Variants in RIMKLB observed in about 807,000 individuals in gnomAD.
RIMKLB encodes the protein ribosomal modification protein rimK like family member B.
In RIMKLB, 7 loss-of-function variants were observed where a neutral mutation model predicts 32.0. The ratio of observed to expected loss-of-function variants is 0.22; its 90% CI spans 0.12 to 0.41. The LOEUF (loss-of-function observed/expected upper bound fraction) is 0.41, where lower values mean the gene tolerates loss of function less well. RIMKLB is among the 10% of genes least tolerant of loss of function. The probability of loss-of-function intolerance (pLI) is 1.00; values close to 1 mark genes in which losing one functional copy is unlikely to be tolerated. For synonymous variants in RIMKLB, 172 were observed against 185.1 expected, an observed-to-expected ratio of 0.93 and a Z score of 0.57; for missense variants, 289 against 498.7, an observed-to-expected ratio of 0.58 and a Z score of 4.00.
chr12:8,704,824 A>G (rs372228302), intron 1 of RIMKLB, among the ~76,000 whole-genome samples: 16 of 149,268 alleles, frequency 1.1e-4, no homozygotes, highest in African/African-American at 3.7e-4. Flanking sequence ...CCTCTAAAAG[A>G]AGAGGAAAAA....
intron 2 of RIMKLB, among the ~76,000 whole-genome samples, chr12:8,727,811 G>A (rs1426389242): frequency 6.6e-6 from 1 of 150,996 alleles, no homozygotes; most frequent in African/African-American, 2.4e-5. Flanking sequence ...AGGCAGGAGA[G>A]AACTGCTTGA....
intron 1 of RIMKLB, among the ~76,000 whole-genome samples, chr12:8,682,747 G>C (rs1025391561): frequency 2.6e-5 from 4 of 151,238 alleles, no homozygotes; most frequent in African/African-American, 9.7e-5. Flanking sequence ...AGCCCCGCCG[G>C]GGGGGAGGGA....
chr12:8,723,438 T>G (rs925236206), intron 2 of RIMKLB, among the ~76,000 whole-genome samples: 1 of 152,190 alleles, frequency 6.6e-6, no homozygotes, highest in Non-Finnish European at 1.5e-5. Flanking sequence ...AATGGAAGTT[T>G]GAAATACTGT....
chr12:8,762,009 C>T (rs1253365583), intron 5 of RIMKLB, among the ~76,000 whole-genome samples: 2 of 152,118 alleles, frequency 1.3e-5, no homozygotes, highest in East Asian at 3.9e-4. Context: ...AAGAGACAAA[C>T]TTAACAAGGA....
intron 1 of RIMKLB, among the ~76,000 whole-genome samples, chr12:8,683,997 C>T (rs531276505): frequency 6.6e-6 from 1 of 152,070 alleles, no homozygotes; most frequent in Non-Finnish European, 1.5e-5. Flanking sequence ...AACCACCCCC[C>T]TCGGCTTCCC....
chr12:8,773,476 A>G lies in RIMKLB; in HGVS notation c.853A>G (p.Ile285Val), dbSNP rs1252347652. 4 of 1,614,248 alleles carry G rather than the reference A, an allele frequency of 2.5e-6. No individual in the cohort carries two copies. The highest frequency in any genetic ancestry group is 1.7e-5 in the Admixed American group (1 of 60,028). The change falls in exon 6 of 6, where the codon ATC becomes GTC. Residue 285 changes from isoleucine to valine, a missense_variant. Physicochemically the swap from Ile to Val is conservative, Grantham distance 29. Coordinates refer to ENST00000535829, the MANE Select transcript of RIMKLB (RefSeq NM_001297776.2). ...TGAGGCCAATGCAAATGTAGGTTTCATCGCCTTTGATAAGGCTTGTAATCT... is the reference window on the plus strand; with the variant it reads ...TGAGGCCAATGCAAATGTAGGTTTCGTCGCCTTTGATAAGGCTTGTAATCT... ...VCEANANVGFIAFDKACNLDV... is the reference protein window; with the variant it reads ...VCEANANVGFVAFDKACNLDV...
upstream of RIMKLB, among the ~76,000 whole-genome samples, chr12:8,676,883 TGACTACCAAGG>T (rs373016012): frequency 8.1e-3 from 1,224 of 151,660 alleles, 8 homozygotes; most frequent in African/African-American, 0.026. Flanking sequence ...CCCCCAGGAG[TGACTACCAAGG>T]GACTCTATTG....
chr12:8,701,914 G>A (rs1396124604), intron 1 of RIMKLB, among the ~76,000 whole-genome samples: 2 of 151,798 alleles, frequency 1.3e-5, no homozygotes, highest in Non-Finnish European at 2.9e-5. Flanking sequence ...GCTGAGGCAG[G>A]AGAATTGCAT....
chr12:8,777,992 T>C (rs1950831390), downstream of RIMKLB, among the ~76,000 whole-genome samples: 1 of 152,240 alleles, frequency 6.6e-6, no homozygotes, highest in Non-Finnish European at 1.5e-5. Context: ...GACTTGGTTA[T>C]GATATACTCA....
rs1591909905 is a variant in RIMKLB at position 8,754,178 on chromosome 12, CCTT to C, written c.697+89_697+91del. The stretch of plus-strand genomic sequence containing the variant: ...GTATTCATATGTATGTAACTCTAGA[CCTT>C]CTTAATAAGTTGAAAAACGTATTTC... On this transcript the variant is annotated intron_variant, in intron 5 of 5. Coordinates refer to ENST00000535829, the MANE Select transcript of RIMKLB (RefSeq NM_001297776.2). 7.1e-6 allele frequency: 7 copies of C among 987,356 alleles called. 1 individual carries two copies. Among genetic ancestry groups the C allele is most frequent in the South Asian group, 2.7e-5 (2 of 73,692 alleles). 61.2% of individuals were successfully genotyped at this position (987,356 alleles called of 1,614,324 possible).
intron 2 of RIMKLB, among the ~76,000 whole-genome samples, chr12:8,723,400 C>G (rs1945661953): frequency 6.6e-6 from 1 of 152,062 alleles, no homozygotes; most frequent in African/African-American, 2.4e-5. Context: ...ATAGTAACAT[C>G]AAAGATCACT....
intron 5 of RIMKLB, among the ~76,000 whole-genome samples, chr12:8,754,419 GT>G (rs1258861120): frequency 1.3e-5 from 2 of 152,160 alleles, no homozygotes; most frequent in Non-Finnish European, 2.9e-5. Context: ...TATAATTGGA[GT>G]TCCTATAAGA....
intron 1 of RIMKLB, among the ~76,000 whole-genome samples, chr12:8,683,778 G>A (rs959712667): frequency 7.9e-5 from 12 of 152,030 alleles, no homozygotes; most frequent in Non-Finnish European, 1.8e-4. Flanking sequence ...ACAGAGTCTC[G>A]CTCCTGCCGC....
chr12:8,753,855 G>T, intron 4 of RIMKLB, 35 bp from the exon 5 acceptor site: 1 of 1,539,360 alleles, frequency 6.5e-7, no homozygotes, highest in South Asian at 1.1e-5. Context: ...CACAATTGAT[G>T]ACTTAACATG....
intron 2 of RIMKLB, among the ~76,000 whole-genome samples, chr12:8,748,392 C>G (rs1948294115): frequency 6.6e-6 from 1 of 151,750 alleles, no homozygotes; most frequent in Non-Finnish European, 1.5e-5. Context: ...ATAAATTAAA[C>G]TTTATCACAG....
chr12:8,773,702 G>T lies in RIMKLB; in HGVS notation c.1079G>T (p.Arg360Leu). 1 of 1,614,258 alleles carries T rather than the reference G, an allele frequency of 6.2e-7. No homozygotes were observed. Among genetic ancestry groups the T allele is most frequent in the Non-Finnish European group, 8.5e-7 (1 of 1,180,054 alleles). ...SVDSDPESTE[R>L]ELLTKLPGGL... The stretch of plus-strand genomic sequence containing the variant: ...GACAGCGACCCTGAAAGCACGGAGC[G>T]AGAGCTGCTCACCAAGCTCCCAGGG... Residue 360 changes from arginine (R) to leucine (L), a missense_variant, in exon 6 of 6, where the codon CGA (arginine) becomes CTA (leucine). Physicochemically the swap from Arg to Leu is moderately radical, Grantham distance 102. Coordinates refer to ENST00000535829, the MANE Select transcript of RIMKLB (RefSeq NM_001297776.2).
At chr12:8,725,297 A>T (rs1261386424) in intron 2 of RIMKLB, among the ~76,000 whole-genome samples, 2 of 151,670 alleles carry the variant, frequency 1.3e-5, no homozygotes, top group Admixed American at 6.6e-5. Flanking sequence ...TTATTTTTTG[A>T]GATGGAGTCT....
chr12:8,698,269 G>A lies in RIMKLB; in HGVS notation c.-85G>A. The A allele has an allele frequency of 2.8e-6, 1 of 360,956 alleles. No individual in the cohort carries two copies. The highest frequency in any genetic ancestry group is 2.2e-5 in the African/African-American group (1 of 45,106). The allele number at this position is 360,956 out of a possible 1,614,324, so 22.4% of individuals were successfully genotyped here. A position where few individuals can be genotyped will look rare whatever the true frequency, so the allele number is the denominator to read the frequency against. The stretch of plus-strand genomic sequence containing the variant: ...AGGCCCCAGCCCGGCTCAGTCGGCC[G>A]AGAGCGAGGGAGGAGCCCCCCGACC... On this transcript the variant is annotated 5_prime_UTR_variant, in exon 1 of 6. Coordinates refer to ENST00000535829, the MANE Select transcript of RIMKLB (RefSeq NM_001297776.2).
rs188216166 is a variant in RIMKLB at position 8,690,136 on chromosome 12, A to C, written n.219+8318A>C. Reference sequence around the variant, plus strand: ...TTTTACAGTTTCCTACAATACAGTCATTTTTTCATGCCTGAAGTTCGAGAA... The same window carrying C: ...TTTTACAGTTTCCTACAATACAGTCCTTTTTTCATGCCTGAAGTTCGAGAA... On this transcript the variant is annotated intron_variant and non_coding_transcript_variant, in intron 1 of 1. Coordinates refer to the RIMKLB transcript ENST00000538758. Among the ~76,000 whole-genome samples the C allele has an allele frequency of 1.5e-3, 232 of 152,250 alleles. 2 individuals carry two copies. Among genetic ancestry groups the C allele is most frequent in the African/African-American group, 5.2e-3 (216 of 41,550 alleles).
Sources: gnomAD v4.1 joint callset for allele counts (sites outside exome capture counted in the v4.1 genomes callset) on GRCh38, gnomAD v4.1.1 for gene constraint, MANE v1.5 for transcripts, NCBI Gene and HGNC (gene_info 2026-07-23, HGNC 2026-07-21) for gene names.